TDRP: variants seen among roughly 807,000 people sequenced by gnomAD.
TDRP encodes the protein testis development related protein.
A neutral mutation model predicts 10.5 loss-of-function variants in TDRP; 12 were observed. The observed-to-expected ratio is 1.15, with a 90% CI of 0.73 to 1.86. The LOEUF (loss-of-function observed/expected upper bound fraction) is 1.86, where lower values mean the gene tolerates loss of function less well. Among genes scored for constraint, TDRP ranks in the 40% most tolerant of loss-of-function variants. The pLI is 0.00. For missense variants in TDRP, 353 were observed against 229.2 expected (o/e 1.54, Z -3.49); for synonymous variants, 139 against 95.4 (o/e 1.46, Z -2.67).
chr8:500,911 C>CAAG (rs1801273846), intron 1 of TDRP, among the ~76,000 whole-genome samples: 1 of 152,240 alleles, frequency 6.6e-6, no homozygotes, highest in South Asian at 2.1e-4. Flanking sequence ...AGAGGGTTAA[C>CAAG]AAGAACATGA....
chr8:519,681 T>G (rs571278897), intron 1 of TDRP, among the ~76,000 whole-genome samples: 2 of 151,942 alleles, frequency 1.3e-5, no homozygotes, highest in South Asian at 4.2e-4. Context: ...GAACCCAAAA[T>G]AATAATGAGG....
chr8:499,439 C>G (rs1014743102), intron 1 of TDRP, among the ~76,000 whole-genome samples: 4 of 152,164 alleles, frequency 2.6e-5, no homozygotes, highest in Admixed American at 1.3e-4. Context: ...CCTGTAGCAC[C>G]TGGGTGGCTG....
intron 1 of TDRP, among the ~76,000 whole-genome samples, chr8:529,620 G>A (rs1802131875): frequency 6.6e-6 from 1 of 152,046 alleles, no homozygotes; most frequent in African/African-American, 2.4e-5. Flanking sequence ...TTTGAAAGAT[G>A]GTTTTGCCAG....
intron 1 of TDRP, among the ~76,000 whole-genome samples, chr8:541,534 T>C (rs1370021543): frequency 6.6e-6 from 1 of 152,142 alleles, no homozygotes; most frequent in African/African-American, 2.4e-5. Flanking sequence ...ATCCAAAACA[T>C]ACAAAGAACT....
intron 1 of TDRP, among the ~76,000 whole-genome samples, chr8:525,176 T>C (rs976022280): frequency 4.6e-5 from 7 of 152,128 alleles, no homozygotes; most frequent in Admixed American, 2.0e-4. Context: ...ATAATTAAAG[T>C]GCTGAAGGAA....
At chr8:519,082 G>C (rs955154784) in intron 1 of TDRP, among the ~76,000 whole-genome samples, 8 of 151,258 alleles carry the variant, frequency 5.3e-5, no homozygotes, top group Non-Finnish European at 1.0e-4. Context: ...GAGAGAAGGA[G>C]GGCTAGAGAT....
At chr8:512,166 C>T (rs751257478) in intron 1 of TDRP, among the ~76,000 whole-genome samples, 2 of 152,008 alleles carry the variant, frequency 1.3e-5, no homozygotes, top group Non-Finnish European at 2.9e-5. Context: ...TGGCTCACAC[C>T]TGTAATCCCA....
At chr8:507,027 C>G (rs1213250545) in intron 1 of TDRP, among the ~76,000 whole-genome samples, 1 of 152,112 alleles carries the variant, frequency 6.6e-6, no homozygotes, top group Non-Finnish European at 1.5e-5. Context: ...GGAAGCATGG[C>G]TGGGAAGCTT....
At chr8:511,430 G>A (rs920837020) in intron 1 of TDRP, among the ~76,000 whole-genome samples, 1 of 151,964 alleles carries the variant, frequency 6.6e-6, no homozygotes, top group Non-Finnish European at 1.5e-5. Flanking sequence ...AACAATTAAA[G>A]ACTTACATGT....
chr8:538,918 G>A (rs555945293), intron 1 of TDRP, among the ~76,000 whole-genome samples: 34 of 152,304 alleles, frequency 2.2e-4, no homozygotes, highest in African/African-American at 2.6e-4. Context: ...AACCAGGACC[G>A]CCTCTTTCAG....
intron 1 of TDRP, among the ~76,000 whole-genome samples, chr8:523,951 A>G (rs1801971947): frequency 6.6e-6 from 1 of 152,192 alleles, no homozygotes; most frequent in Non-Finnish European, 1.5e-5. Context: ...CCTTTAGCGA[A>G]CAAAAGTGGT....
chr8:513,312 A>G (rs926727357), intron 1 of TDRP, among the ~76,000 whole-genome samples: 3 of 152,150 alleles, frequency 2.0e-5, no homozygotes, highest in Non-Finnish European at 4.4e-5. Flanking sequence ...GAAAAGAATT[A>G]TGTACCATAA....
At chr8:515,452 T>C (rs1157466162) in intron 1 of TDRP, among the ~76,000 whole-genome samples, 1 of 152,218 alleles carries the variant, frequency 6.6e-6, no homozygotes, top group Non-Finnish European at 1.5e-5. Flanking sequence ...TTTGAAATAT[T>C]TGCATTATAC....
At chr8:545,327 C>T (rs1219318423), upstream of TDRP, among the ~76,000 whole-genome samples, 4 of 134,804 alleles carry the variant, frequency 3.0e-5, no homozygotes, top group African/African-American at 8.7e-5. Context: ...CTAGCCCTGC[C>T]CTATCCCCGG....
chr8:508,073 A>C (rs1801512581), intron 1 of TDRP, among the ~76,000 whole-genome samples: 1 of 152,196 alleles, frequency 6.6e-6, no homozygotes, highest in South Asian at 2.1e-4. Context: ...GAACCATTAT[A>C]AATATGTTAA....
At chr8:510,615 A>C (rs73175035) in intron 1 of TDRP, among the ~76,000 whole-genome samples, 10,721 of 152,308 alleles carry the variant, frequency 0.07, 427 homozygotes, top group Middle Eastern at 0.11. Context: ...AAAATTCTCA[A>C]CCAAAAATCC....
Position 544,810 on chromosome 8 carries a change from G to A in TDRP, c.-53C>T. 1 of 1,177,498 alleles carries A rather than the reference G, an allele frequency of 8.5e-7. No individual in the cohort carries two copies. The highest frequency in any genetic ancestry group is 1.1e-6 in the Non-Finnish European group (1 of 939,858). The allele number at this position is 1,177,498 out of a possible 1,614,324, so 72.9% of individuals were successfully genotyped here. A position where few individuals can be genotyped will look rare whatever the true frequency, so the allele number is the denominator to read the frequency against. On this transcript the variant is annotated 5_prime_UTR_variant, in exon 1 of 3. The change creates a new upstream start codon in the 5' untranslated region. Transcript: ENST00000324079. ...TCCGTGCGTCGGGCTGTGGCTCCGC[G>A]TCCCTCCCGGCCGCCGGACGCTCTG...
chr8:541,107 T>C (rs1352545176), intron 1 of TDRP, among the ~76,000 whole-genome samples: 1 of 152,252 alleles, frequency 6.6e-6, no homozygotes, highest in African/African-American at 2.4e-5. Context: ...TCTTCATGAA[T>C]TTCAAAATTT....
chr8:496,276 G>A (rs897984124), intron 1 of TDRP, among the ~76,000 whole-genome samples: 11 of 152,320 alleles, frequency 7.2e-5, no homozygotes, highest in African/African-American at 1.7e-4. Flanking sequence ...CGTCTGATGC[G>A]CAGGGCCCAT....
Sources: gnomAD v4.1 joint callset for allele counts (sites outside exome capture counted in the v4.1 genomes callset) on GRCh38, gnomAD v4.1.1 for gene constraint, MANE v1.5 for transcripts, NCBI Gene and HGNC (gene_info 2026-07-23, HGNC 2026-07-21) for gene names.